The following WDPCP variants were observed in gnomAD, a reference collection of about 807,000 sequenced individuals.
WDPCP encodes WD repeat-containing and planar cell polarity effector protein fritz homolog.
In WDPCP, 71 loss-of-function variants were observed where a neutral mutation model predicts 93.1. That is an observed-to-expected ratio of 0.76 (90% CI 0.63 to 0.93). The LOEUF (loss-of-function observed/expected upper bound fraction) is 0.93, where lower values mean the gene tolerates loss of function less well. WDPCP is among the 40% of genes least tolerant of loss of function. WDPCP has a pLI of 0.00. For synonymous variants in WDPCP, 315 were observed against 315.0 expected (o/e 1.00, Z 0.00); for missense variants, 844 against 887.4 (o/e 0.95, Z 0.62).
chr2:63,641,024 A>T (rs1056543115), intron 3 of WDPCP, among the ~76,000 whole-genome samples: 3 of 152,100 alleles, frequency 2.0e-5, no homozygotes, highest in Non-Finnish European at 4.4e-5. Context: ...CCATGAATTC[A>T]GTTGATTTGA....
chr2:63,170,037 C>T (rs771780051), intron 15 of WDPCP, among the ~76,000 whole-genome samples: 11 of 151,394 alleles, frequency 7.3e-5, no homozygotes, highest in South Asian at 4.2e-4. Flanking sequence ...GGACTGCAGG[C>T]GTGGACCACC....
At chr2:63,193,751 T>TAAAC (rs1360529280) in intron 14 of WDPCP, among the ~76,000 whole-genome samples, 1 of 152,206 alleles carries the variant, frequency 6.6e-6, no homozygotes, top group Non-Finnish European at 1.5e-5. Context: ...TTTAAAAAAG[T>TAAAC]AAACATTAAA....
At chr2:63,528,393 A>T (rs187132695) in intron 1 of WDPCP, among the ~76,000 whole-genome samples, 121 of 152,332 alleles carry the variant, frequency 7.9e-4, no homozygotes, top group African/African-American at 2.5e-3. Context: ...TAATTTTTGT[A>T]TAAGGTGTAA....
chr2:63,756,022 T>C (rs1056522618), intron 2 of WDPCP, among the ~76,000 whole-genome samples: 7 of 152,210 alleles, frequency 4.6e-5, no homozygotes, highest in Non-Finnish European at 1.5e-5. Flanking sequence ...TTTTAATTAG[T>C]TTTGCTTAAT....
At chr2:63,162,670 G>C (rs1672722665) in intron 15 of WDPCP, among the ~76,000 whole-genome samples, 1 of 151,874 alleles carries the variant, frequency 6.6e-6, no homozygotes, top group Non-Finnish European at 1.5e-5. Context: ...ATAACTACAG[G>C]GTCTCAGATA....
chr2:63,819,708 A>G (rs1670991570), intron 1 of WDPCP, among the ~76,000 whole-genome samples: 1 of 152,186 alleles, frequency 6.6e-6, no homozygotes, highest in Non-Finnish European at 1.5e-5. Context: ...AATGTCAGAA[A>G]AGTTGGTAAA....
chr2:63,400,742 A>G (rs1156533494), intron 10 of WDPCP, among the ~76,000 whole-genome samples: 1 of 152,230 alleles, frequency 6.6e-6, no homozygotes, highest in Non-Finnish European at 1.5e-5. Context: ...TTCAAACTAT[A>G]CTAAAGGCTA....
At chr2:63,802,281 TAAAAAAAAAAAAA>T (rs58717654) in intron 2 of WDPCP, among the ~76,000 whole-genome samples, 79 of 54,396 alleles carry the variant, frequency 1.5e-3, no homozygotes, top group East Asian at 3.7e-3. Context: ...CCCTCTCTCT[TAAAAAAAAAAAAA>T]AAAAAAAAAA....
At chr2:63,476,214 G>C (rs766932031) in intron 6 of WDPCP, among the ~76,000 whole-genome samples, 12 of 152,066 alleles carry the variant, frequency 7.9e-5, no homozygotes, top group Non-Finnish European at 5.9e-5. Context: ...CAATATGAAA[G>C]TGTTTACAGT....
chr2:63,552,970 C>T (rs1050993001), intron 1 of WDPCP, among the ~76,000 whole-genome samples: 3 of 152,190 alleles, frequency 2.0e-5, no homozygotes, highest in African/African-American at 7.2e-5. Flanking sequence ...TAGGTTACCA[C>T]TAAACTACAG....
intron 12 of WDPCP, among the ~76,000 whole-genome samples, chr2:63,346,769 G>T (rs1204328723): frequency 1.3e-5 from 2 of 152,114 alleles, no homozygotes; most frequent in Non-Finnish European, 2.9e-5. Flanking sequence ...CATCTTCCCT[G>T]AACTCCAACT....
At chr2:63,689,887 T>C (rs1343946527) in intron 2 of WDPCP, among the ~76,000 whole-genome samples, 1 of 152,164 alleles carries the variant, frequency 6.6e-6, no homozygotes, top group African/African-American at 2.4e-5. Flanking sequence ...ATTAACCCAG[T>C]GTACTGCACA....
chr2:63,163,213 A>AT (rs1672748432), intron 15 of WDPCP, among the ~76,000 whole-genome samples: 1 of 152,218 alleles, frequency 6.6e-6, no homozygotes, highest in South Asian at 2.1e-4. Context: ...TCTTTCTCAC[A>AT]TTATCAGTTT....
chr2:63,408,338 T>G (rs1200045780), intron 9 of WDPCP, among the ~76,000 whole-genome samples: 1 of 152,076 alleles, frequency 6.6e-6, no homozygotes, highest in East Asian at 1.9e-4. Flanking sequence ...AAGGTCTGTT[T>G]GTAGGAGAGG....
At chr2:63,597,275 A>T (rs181135284) in intron 3 of WDPCP, 1 of 1,246,410 alleles carries the variant, frequency 8.0e-7, no homozygotes, top group Non-Finnish European at 1.0e-6. Context: ...CCTGAAATGT[A>T]TATCAGTGTG....
chr2:63,295,630 A>G (rs1317965504), intron 13 of WDPCP, among the ~76,000 whole-genome samples: 1 of 152,052 alleles, frequency 6.6e-6, no homozygotes, highest in African/African-American at 2.4e-5. Context: ...AGAGATTACT[A>G]TGAACATATA....
At chr2:63,148,861 A>AACAC (rs60091903) in intron 17 of WDPCP, among the ~76,000 whole-genome samples, 135 of 149,336 alleles carry the variant, frequency 9.0e-4, no homozygotes, top group African/African-American at 3.2e-3. Flanking sequence ...CACAGGAGCC[A>AACAC]ACACACACAC....
At position 63,530,161 on chromosome 2, in the gene WDPCP, C is replaced by A. The variant is rs541549188; in HGVS notation, c.76-37221G>T. Among the ~76,000 whole-genome samples the A allele has an allele frequency of 4.1e-4, 63 of 152,172 alleles. No homozygotes were observed. In the South Asian group the frequency reaches 5.0e-3, roughly 12 times the overall value. The stretch of plus-strand genomic sequence containing the variant: ...TTTTCAAAAAACCAGCTCCTGGATT[C>A]ATTGATTTTTTTGTAGGGTTTTTTG... On this transcript the variant is annotated intron_variant, in intron 1 of 17. Transcript: ENST00000272321.
At chr2:63,488,770 C>A (rs1267241213) in intron 2 of WDPCP, among the ~76,000 whole-genome samples, 4 of 152,000 alleles carry the variant, frequency 2.6e-5, no homozygotes, top group Non-Finnish European at 4.4e-5. Flanking sequence ...TAATTATACT[C>A]ATCATTCCAT....
Sources: gnomAD v4.1 joint callset for allele counts (sites outside exome capture counted in the v4.1 genomes callset) on GRCh38, gnomAD v4.1.1 for gene constraint, MANE v1.5 for transcripts, NCBI Gene and HGNC (gene_info 2026-07-23, HGNC 2026-07-21) for gene names.